KLHL3: variants seen among roughly 807,000 people sequenced by gnomAD.
KLHL3 encodes kelch like family member 3, also known as kelch-like protein 3.
In KLHL3, 19 loss-of-function variants were observed where a neutral mutation model predicts 70.5. The ratio of observed to expected loss-of-function variants is 0.27; its 90% CI spans 0.19 to 0.40. The LOEUF (loss-of-function observed/expected upper bound fraction) is 0.40, where lower values mean the gene tolerates loss of function less well. Among genes scored for constraint, KLHL3 ranks in the 10% least tolerant of loss-of-function variants. KLHL3 has a pLI of 1.00. For missense variants in KLHL3, 512 were observed against 771.1 expected, an observed-to-expected ratio of 0.66 and a Z score of 3.98; for synonymous variants, 258 against 290.3, an observed-to-expected ratio of 0.89 and a Z score of 1.13.
intron 5 of KLHL3, among the ~76,000 whole-genome samples, chr5:137,691,099 G>A (rs1018122819): frequency 1.1e-4 from 16 of 152,122 alleles, no homozygotes; most frequent in Non-Finnish European, 4.4e-5. Flanking sequence ...TAAAATAATA[G>A]AATGACAAGC....
At chr5:137,689,873 GTA>G (rs1049942077) in intron 5 of KLHL3, among the ~76,000 whole-genome samples, 2 of 152,176 alleles carry the variant, frequency 1.3e-5, no homozygotes, top group Non-Finnish European at 2.9e-5. Flanking sequence ...TCAGACAACT[GTA>G]TCAGCCAATT....
At chr5:137,715,614 C>T (rs553941771) in intron 2 of KLHL3, among the ~76,000 whole-genome samples, 1 of 152,324 alleles carries the variant, frequency 6.6e-6, no homozygotes, top group East Asian at 1.9e-4. Context: ...TTATCTCCTG[C>T]CATGTTCCTG....
intron 3 of KLHL3, among the ~76,000 whole-genome samples, chr5:137,700,471 A>C (rs113807498): frequency 5.9e-5 from 9 of 152,218 alleles, no homozygotes; most frequent in African/African-American, 1.7e-4. Flanking sequence ...TTGTGGTTGA[A>C]AGTCAGGTTA....
chr5:137,701,563 C>T (rs922095421), intron 3 of KLHL3, among the ~76,000 whole-genome samples: 5 of 152,110 alleles, frequency 3.3e-5, no homozygotes, highest in African/African-American at 9.7e-5. Flanking sequence ...AAGAACCAAG[C>T]GGCTTATCCT....
intron 1 of KLHL3, among the ~76,000 whole-genome samples, chr5:137,723,838 T>C (rs1050438732): frequency 1.3e-5 from 2 of 152,242 alleles, no homozygotes; most frequent in Admixed American, 6.5e-5. Flanking sequence ...CCATTATGTA[T>C]GTTTGTTACA....
intron 4 of KLHL3, among the ~76,000 whole-genome samples, chr5:137,693,220 G>C (rs1752365397): frequency 6.6e-6 from 1 of 152,140 alleles, no homozygotes; most frequent in African/African-American, 2.4e-5. Flanking sequence ...TCAGGACTCA[G>C]GCAACGACAC....
chr5:137,651,431 C>T (rs536885085), intron 8 of KLHL3, among the ~76,000 whole-genome samples: 1 of 152,298 alleles, frequency 6.6e-6, no homozygotes, highest in South Asian at 2.1e-4. Flanking sequence ...CAGCAATAAA[C>T]AATTAGAAAT....
Position 137,620,081 on chromosome 5 carries a change from C to A in KLHL3, c.*2017G>T, listed in dbSNP as rs896798302. On this transcript the variant is annotated 3_prime_UTR_variant, in exon 15 of 15. Transcript: ENST00000309755. Reference sequence around the variant, plus strand: ...CATTCCATCAGCTTCCAACCCACAGCCAGGTAGAGTTATGAAGCCACAGTC... The same window carrying A: ...CATTCCATCAGCTTCCAACCCACAGACAGGTAGAGTTATGAAGCCACAGTC... 1 of 152,236 alleles carries A rather than the reference C, an allele frequency of 6.6e-6. No individual in the cohort carries two copies. The highest frequency in any genetic ancestry group is 2.4e-5 in the African/African-American group (1 of 41,440). The allele number at this position is 152,236 out of a possible 1,614,324, so 9.4% of individuals were successfully genotyped here. A position where few individuals can be genotyped will look rare whatever the true frequency, so the allele number is the denominator to read the frequency against.
chr5:137,712,875 T>A (rs1752820966), intron 2 of KLHL3, among the ~76,000 whole-genome samples: 1 of 152,172 alleles, frequency 6.6e-6, no homozygotes, highest in Non-Finnish European at 1.5e-5. Flanking sequence ...AGATAATGCA[T>A]AGTGCTAATA....
intron 2 of KLHL3, among the ~76,000 whole-genome samples, chr5:137,717,577 G>A (rs563686456): frequency 2.6e-4 from 40 of 152,160 alleles, no homozygotes; most frequent in Non-Finnish European, 4.0e-4. Flanking sequence ...AATGATTTAA[G>A]CTAAGGAATG....
At chr5:137,711,057 A>G (rs1388218876) in intron 2 of KLHL3, among the ~76,000 whole-genome samples, 2 of 152,182 alleles carry the variant, frequency 1.3e-5, no homozygotes, top group Non-Finnish European at 2.9e-5. Context: ...ACTGTGAGCC[A>G]ATGGTAGTGG....
chr5:137,645,316 C>A (rs1751016856), intron 8 of KLHL3, among the ~76,000 whole-genome samples: 1 of 152,066 alleles, frequency 6.6e-6, no homozygotes, highest in African/African-American at 2.4e-5. Context: ...CTAGCCAGAG[C>A]AATCAGGCAA....
chr5:137,727,046 G>A (rs190133874), intron 1 of KLHL3, among the ~76,000 whole-genome samples: 1 of 152,090 alleles, frequency 6.6e-6, no homozygotes, highest in Admixed American at 6.5e-5. Context: ...CATATCCAAT[G>A]TCTTATTTGA....
At chr5:137,632,457 C>T (rs757482866) in intron 12 of KLHL3, among the ~76,000 whole-genome samples, 9 of 152,044 alleles carry the variant, frequency 5.9e-5, no homozygotes, top group Non-Finnish European at 1.3e-4. Context: ...TAGCCACATA[C>T]AGAAAAATGA....
intron 12 of KLHL3, among the ~76,000 whole-genome samples, chr5:137,631,634 C>G (rs1404994999): frequency 6.6e-6 from 1 of 152,314 alleles, no homozygotes; most frequent in South Asian, 2.1e-4. Context: ...GCAAATTACT[C>G]AACCACTGGC....
chr5:137,716,658 AG>A (rs1422722261), intron 2 of KLHL3, among the ~76,000 whole-genome samples: 14 of 152,324 alleles, frequency 9.2e-5, no homozygotes, highest in African/African-American at 3.4e-4. Context: ...AGGTGATCAG[AG>A]GGCGGAGTTT....
chr5:137,621,931 T>A lies in KLHL3; in HGVS notation c.*167A>T. The stretch of plus-strand genomic sequence containing the variant: ...TCAGGGGAACGGGGGTGGGTAATGG[T>A]GTCCACACTGCGATGAACAACACCA... On this transcript the variant is annotated 3_prime_UTR_variant, in exon 15 of 15. Coordinates refer to ENST00000309755, the MANE Select transcript of KLHL3 (RefSeq NM_017415.3). 1.4e-6 allele frequency: 1 copy of A among 730,550 alleles called. No homozygotes were observed. The highest frequency in any genetic ancestry group is 2.4e-6 in the Non-Finnish European group (1 of 408,706). 45.3% of individuals were successfully genotyped at this position (730,550 alleles called of 1,614,324 possible). A position where few individuals can be genotyped will look rare whatever the true frequency, so the allele number is the denominator to read the frequency against.
intron 8 of KLHL3, among the ~76,000 whole-genome samples, chr5:137,652,050 C>A (rs1073917): frequency 0.36 from 53,570 of 150,378 alleles, 10,267 homozygotes; most frequent in East Asian, 0.61. Context: ...AGAACAACAA[C>A]AAAAAAAAAC....
chr5:137,638,590 GC>G (rs1160011293), intron 10 of KLHL3, among the ~76,000 whole-genome samples: 1 of 152,190 alleles, frequency 6.6e-6, no homozygotes, highest in African/African-American at 2.4e-5. Context: ...TCTTCCAAGT[GC>G]TGGACTCAGC....
Sources: gnomAD v4.1 joint callset for allele counts (sites outside exome capture counted in the v4.1 genomes callset) on GRCh38, gnomAD v4.1.1 for gene constraint, MANE v1.5 for transcripts, NCBI Gene and HGNC (gene_info 2026-07-23, HGNC 2026-07-21) for gene names.